Variants in TBC1D12 observed in about 807,000 individuals in gnomAD.
TBC1D12 encodes TBC1 domain family member 12, also known as TBC1 domain family, member 12.
A neutral mutation model predicts 86.7 loss-of-function variants in TBC1D12; 56 were observed. The observed-to-expected ratio is 0.65, with a 90% CI of 0.52 to 0.81. The LOEUF is 0.81. Among genes scored for constraint, TBC1D12 ranks in the 30% least tolerant of loss-of-function variants. The pLI is 0.00. For synonymous variants in TBC1D12, 421 were observed against 411.7 expected (o/e 1.02, Z -0.27); for missense variants, 1,023 against 1,038.8 (o/e 0.98, Z 0.21).
rs1245663554 is a variant in TBC1D12 at position 94,493,393 on chromosome 10, G to A, written c.1240G>A (p.Ala414Thr). Residue 414 changes from alanine (A) to threonine (T), a missense_variant, in exon 4 of 13, where the codon GCT (alanine) becomes ACT (threonine). Coordinates refer to ENST00000225235, the MANE Select transcript of TBC1D12 (RefSeq NM_015188.2). ...TCTTCCTGCCAAATCTGTGGAAGAA[G>A]CTTTACGTCACCGACAAGAATACGA... is the stretch of plus-strand genomic sequence containing the variant. ...SNLPAKSVEEALRHRQEYDEM... is the reference protein window; with the variant it reads ...SNLPAKSVEETLRHRQEYDEM... The A allele has an allele frequency of 6.2e-7, 1 of 1,612,546 alleles. No individual in the cohort carries two copies. Among genetic ancestry groups the A allele is most frequent in the African/African-American group, 1.3e-5 (1 of 74,962 alleles).
intron 1 of TBC1D12, among the ~76,000 whole-genome samples, chr10:94,439,669 C>T (rs2055352517): frequency 6.6e-6 from 1 of 152,110 alleles, no homozygotes; most frequent in Non-Finnish European, 1.5e-5. Flanking sequence ...CCTTCAGTGT[C>T]CCTTTGGTGC....
At chr10:94,500,158 A>G (rs2056375776) in intron 5 of TBC1D12, 63 bp from the exon 6 acceptor site, 2 of 1,429,778 alleles carry the variant, frequency 1.4e-6, no homozygotes, top group African/African-American at 1.4e-5. Context: ...ATAATCCATC[A>G]TGCAACTAGT....
intron 2 of TBC1D12, among the ~76,000 whole-genome samples, chr10:94,445,886 C>T (rs1024388097): frequency 1.6e-4 from 24 of 151,178 alleles, no homozygotes; most frequent in Admixed American, 1.5e-3. Flanking sequence ...AGGCAGAGGT[C>T]GTAGTGAGCC....
chr10:94,447,884 A>G (rs2055493547), intron 2 of TBC1D12, among the ~76,000 whole-genome samples: 1 of 149,582 alleles, frequency 6.7e-6, no homozygotes. Flanking sequence ...TACTAGATTG[A>G]ATATGCACTA....
At chr10:94,527,502 T>G (rs78956839) in intron 11 of TBC1D12, among the ~76,000 whole-genome samples, 2,482 of 85,480 alleles carry the variant, frequency 0.029, 33 homozygotes, top group Middle Eastern at 0.055. Context: ...TCTGTGGGGT[T>G]TTTTTTTTTA....
At chr10:94,420,430 C>G (rs940129806) in intron 1 of TBC1D12, among the ~76,000 whole-genome samples, 1 of 152,246 alleles carries the variant, frequency 6.6e-6, no homozygotes, top group Admixed American at 6.5e-5. Flanking sequence ...TAGTGACATT[C>G]AGTACATTCA....
chr10:94,405,675 T>A (rs2054843531), intron 1 of TBC1D12, among the ~76,000 whole-genome samples: 1 of 152,182 alleles, frequency 6.6e-6, no homozygotes, highest in Non-Finnish European at 1.5e-5. Context: ...ACTAGTATAC[T>A]CTTGAGTTCT....
intron 3 of TBC1D12, among the ~76,000 whole-genome samples, chr10:94,478,941 C>T (rs552484252): frequency 5.3e-5 from 8 of 151,570 alleles, no homozygotes; most frequent in South Asian, 2.1e-4. Flanking sequence ...GGTGACAAAG[C>T]GAGACTCTGT....
chr10:94,452,272 A>G lies in TBC1D12; in HGVS notation c.1095+10253A>G, dbSNP rs558664271. On this transcript the variant is annotated intron_variant, in intron 2 of 12. Coordinates refer to ENST00000225235, the MANE Select transcript of TBC1D12 (RefSeq NM_015188.2). ...CACAGTGGATCATTTTTTACAACCA[A>G]TGAACTTACATTGACACACAGTCAC... Among the ~76,000 whole-genome samples the G allele has an allele frequency of 7.9e-5, 12 of 152,102 alleles. No individual in the cohort carries two copies. In the South Asian group the frequency reaches 1.9e-3, roughly 24 times the overall value.
In TBC1D12 at chr10:94,441,941, T is replaced by C; in HGVS notation, c.1017T>C (p.His339=). ...CAAAGGAACTCAAATCAGTTGTCCA[T>C]AGTGCTCCTGGTTGGAAATTATTTG... ...KRTKELKSVV[H]SAPGWKLFGK... The change falls in exon 2 of 13, where the codon CAT becomes CAC. Residue 339 remains histidine (H), a synonymous_variant. Transcript: ENST00000225235. 6 of 1,613,376 alleles carry C rather than the reference T, an allele frequency of 3.7e-6. No homozygotes were observed. The highest frequency in any genetic ancestry group is 5.1e-6 in the Non-Finnish European group (6 of 1,179,644).
chr10:94,434,540 C>T (rs995494782), intron 1 of TBC1D12, among the ~76,000 whole-genome samples: 3 of 151,394 alleles, frequency 2.0e-5, no homozygotes, highest in Non-Finnish European at 4.4e-5. Flanking sequence ...AATCTTTTAA[C>T]CATTTTAGTT....
chr10:94,500,065 A>G (rs2056374548), intron 5 of TBC1D12, among the ~76,000 whole-genome samples, 156 bp from the exon 6 acceptor site: 1 of 152,214 alleles, frequency 6.6e-6, no homozygotes, highest in African/African-American at 2.4e-5. Flanking sequence ...GCCTGCAAGC[A>G]TGAACGCAAA....
chr10:94,522,212 A>G (rs1842171159), intron 10 of TBC1D12, 129 bp downstream of exon 10: 8 of 1,270,004 alleles, frequency 6.3e-6, no homozygotes, highest in African/African-American at 1.5e-5. Flanking sequence ...TTTATTAATG[A>G]ATGTTTGCTG....
At chr10:94,447,837 A>C (rs1377543102) in intron 2 of TBC1D12, among the ~76,000 whole-genome samples, 2 of 150,080 alleles carry the variant, frequency 1.3e-5, no homozygotes, top group Non-Finnish European at 3.0e-5. Context: ...AATGATTTCA[A>C]ATGAACCATG....
chr10:94,520,466 G>T (rs200280278), intron 9 of TBC1D12, among the ~76,000 whole-genome samples: 1 of 151,968 alleles, frequency 6.6e-6, no homozygotes, highest in Non-Finnish European at 1.5e-5. Context: ...CAGGAGAATC[G>T]CTTGAATCCG....
intron 1 of TBC1D12, among the ~76,000 whole-genome samples, chr10:94,407,386 A>G (rs1440299977): frequency 6.6e-6 from 1 of 152,208 alleles, no homozygotes; most frequent in Admixed American, 6.5e-5. Flanking sequence ...TCCTGTCTAT[A>G]AAAATTGAAA....
chr10:94,456,942 C>G (rs948346282), intron 2 of TBC1D12, among the ~76,000 whole-genome samples: 23 of 152,154 alleles, frequency 1.5e-4, no homozygotes, highest in African/African-American at 4.3e-4. Context: ...GATAACTTTC[C>G]TTGCTCCGAA....
At chr10:94,429,678 C>G (rs1435827633) in intron 1 of TBC1D12, among the ~76,000 whole-genome samples, 6 of 151,976 alleles carry the variant, frequency 3.9e-5, no homozygotes, top group Admixed American at 6.6e-5. Context: ...CCAACTTCCC[C>G]TCTGTTATGA....
chr10:94,403,704 T>G, intron 1 of TBC1D12, 120 bp downstream of exon 1: 1 of 1,243,338 alleles, frequency 8.0e-7, no homozygotes, highest in Non-Finnish European at 1.1e-6. Context: ...GCCGCTTCCG[T>G]GCCAGCCCCA....
Sources: gnomAD v4.1 joint callset for allele counts (sites outside exome capture counted in the v4.1 genomes callset) on GRCh38, gnomAD v4.1.1 for gene constraint, MANE v1.5 for transcripts, NCBI Gene and HGNC (gene_info 2026-07-23, HGNC 2026-07-21) for gene names.